The following ABR variants were observed in gnomAD, a reference collection of about 807,000 sequenced individuals.
ABR encodes active breakpoint cluster region-related protein.
A neutral mutation model predicts 107.2 loss-of-function variants in ABR; 35 were observed. The observed-to-expected ratio is 0.33, with a 90% CI of 0.25 to 0.43. The LOEUF (loss-of-function observed/expected upper bound fraction) is 0.43, where lower values mean the gene tolerates loss of function less well. Among genes scored for constraint, ABR ranks in the 20% least tolerant of loss-of-function variants. ABR has a pLI of 1.00. For missense variants in ABR, 815 were observed against 1,115.2 expected, an observed-to-expected ratio of 0.73 and a Z score of 3.83; for synonymous variants, 498 against 462.0, an observed-to-expected ratio of 1.08 and a Z score of -1.00.
upstream of ABR, among the ~76,000 whole-genome samples, chr17:1,180,382 G>A (rs549581712): frequency 2.2e-4 from 33 of 152,282 alleles, no homozygotes; most frequent in Non-Finnish European, 3.4e-4. Context: ...ACCCGCTGCG[G>A]GACCCACGGG....
intron 2 of ABR, among the ~76,000 whole-genome samples, chr17:1,123,914 T>C (rs1226905550): frequency 1.3e-5 from 2 of 152,046 alleles, no homozygotes; most frequent in Non-Finnish European, 1.5e-5. Flanking sequence ...CTAACCCGCC[T>C]CCCGTCTTAG....
At chr17:1,219,949 TA>T (rs1246640447) in intron 1 of ABR, among the ~76,000 whole-genome samples, 1 of 151,630 alleles carries the variant, frequency 6.6e-6, no homozygotes, top group African/African-American at 2.4e-5. Flanking sequence ...AGAGAGTAGG[TA>T]CTGGAGTATC....
At chr17:1,024,218 G>A (rs907931441) in intron 16 of ABR, among the ~76,000 whole-genome samples, 2 of 152,116 alleles carry the variant, frequency 1.3e-5, no homozygotes, top group East Asian at 1.9e-4. Context: ...CGAGTCTCAC[G>A]TTCAGTGGCG....
chr17:1,189,124 C>G (rs1429550967), upstream of ABR, among the ~76,000 whole-genome samples: 2 of 152,098 alleles, frequency 1.3e-5, no homozygotes, highest in African/African-American at 4.8e-5. Context: ...CGTGTTCTCC[C>G]GAAAGGAGAG....
At chr17:1,220,936 G>C (rs2043109515) in intron 1 of ABR, among the ~76,000 whole-genome samples, 1 of 152,212 alleles carries the variant, frequency 6.6e-6, no homozygotes, top group Non-Finnish European at 1.5e-5. Context: ...CACTCAGTTT[G>C]AGAGCAGCTC....
intron 16 of ABR, among the ~76,000 whole-genome samples, chr17:1,042,610 G>C (rs2030810152): frequency 1.4e-5 from 2 of 139,574 alleles, no homozygotes; most frequent in South Asian, 2.3e-4. Flanking sequence ...GATGGACGAA[G>C]AGACGTGGCA....
intron 16 of ABR, among the ~76,000 whole-genome samples, chr17:1,047,791 G>A (rs1381903904): frequency 6.6e-6 from 1 of 152,130 alleles, no homozygotes; most frequent in African/African-American, 2.4e-5. Flanking sequence ...GAGGCTTGCA[G>A]TGACTGATGG....
intron 1 of ABR, among the ~76,000 whole-genome samples, chr17:1,226,710 CAT>C: frequency 2.1e-5 from 1 of 46,882 alleles, no homozygotes; most frequent in Non-Finnish European, 5.7e-5. Context: ...TGTGTGTGTG[CAT>C]GCATGTATGT....
intron 1 of ABR, among the ~76,000 whole-genome samples, chr17:1,165,036 T>A (rs1345067690): frequency 3.9e-5 from 6 of 152,232 alleles, no homozygotes; most frequent in Non-Finnish European, 5.9e-5. Context: ...TCAGCAGTGC[T>A]TTCAGTGTGG....
intron 3 of ABR, among the ~76,000 whole-genome samples, chr17:1,097,858 T>C (rs2037578447): frequency 6.6e-6 from 1 of 152,162 alleles, no homozygotes; most frequent in African/African-American, 2.4e-5. Flanking sequence ...GTTTCACGAA[T>C]GTCTGACGGG....
intron 1 of ABR, among the ~76,000 whole-genome samples, chr17:1,132,796 A>T (rs2039905352): frequency 6.6e-6 from 1 of 152,252 alleles, no homozygotes; most frequent in South Asian, 2.1e-4. Context: ...ATTAAAAAGA[A>T]TGTTAACCTC....
chr17:1,087,985 AACAGCAGAG>A (rs1022786412), intron 4 of ABR, among the ~76,000 whole-genome samples: 7 of 152,302 alleles, frequency 4.6e-5, no homozygotes, highest in Admixed American at 2.6e-4. Flanking sequence ...TCATAAAACA[AACAGCAGAG>A]ACGCTAATTC....
intron 16 of ABR, among the ~76,000 whole-genome samples, chr17:1,039,265 G>A (rs1312750539): frequency 2.6e-5 from 4 of 152,126 alleles, no homozygotes; most frequent in Non-Finnish European, 5.9e-5. Context: ...CCCAGGGGTG[G>A]AGGGGAGCGG....
intron 1 of ABR, among the ~76,000 whole-genome samples, chr17:1,137,742 A>C (rs558685386): frequency 1.3e-5 from 2 of 152,320 alleles, no homozygotes; most frequent in African/African-American, 4.8e-5. Context: ...TCAACTAAGC[A>C]TGGAGGTGCC....
At chr17:1,144,691 A>T (rs2040457813) in intron 1 of ABR, among the ~76,000 whole-genome samples, 1 of 152,020 alleles carries the variant, frequency 6.6e-6, no homozygotes, top group Admixed American at 6.6e-5. Context: ...CAGGAGTTCG[A>T]GACCAGCCTG....
At chr17:1,049,591 C>G (rs1277125564) in intron 16 of ABR, among the ~76,000 whole-genome samples, 1 of 152,120 alleles carries the variant, frequency 6.6e-6, no homozygotes, top group Non-Finnish European at 1.5e-5. Flanking sequence ...GACCCCCCTC[C>G]CCCCAAGCCA....
At chr17:1,036,856 G>A (rs2073218911) in intron 16 of ABR, among the ~76,000 whole-genome samples, 1 of 152,158 alleles carries the variant, frequency 6.6e-6, no homozygotes, top group African/African-American at 2.4e-5. Context: ...CTCACTCTAG[G>A]TTTTTCTCCC....
rs1210169318 is a variant in ABR, at chr17:1,050,582, G to A, written c.1614C>T (p.Ala538=). 6 of 1,614,012 alleles carry A rather than the reference G, an allele frequency of 3.7e-6. No homozygotes were observed. In the Admixed American group the frequency reaches 1.0e-4, roughly 27 times the overall value. ...VDSFGYFVSK[A]KTRVFRDTAE... ...CTGTGTCCCGGAACACCCTGGTTTTGGCTTTGCTGACAAAATAGCCGAAGG... is the reference window on the plus strand; with the variant it reads ...CTGTGTCCCGGAACACCCTGGTTTTAGCTTTGCTGACAAAATAGCCGAAGG... Residue 538 remains alanine (A), a synonymous_variant, in exon 15 of 23, where the codon GCC becomes GCT. Transcript: ENST00000302538. This position sits in a 1 kb window ranked among gnomAD's most constrained non-coding sequence, Gnocchi z 4.6.
intron 1 of ABR, among the ~76,000 whole-genome samples, chr17:1,151,949 T>C (rs960293873): frequency 6.6e-6 from 1 of 150,906 alleles, no homozygotes; most frequent in Non-Finnish European, 1.5e-5. Flanking sequence ...GGTCAGGAGA[T>C]CGAGACCATC....
Sources: gnomAD v4.1 joint callset for allele counts (sites outside exome capture counted in the v4.1 genomes callset) on GRCh38, gnomAD v4.1.1 for gene constraint, Gnocchi (gnomAD v3.1) non-coding constraint, MANE v1.5 for transcripts, NCBI Gene and HGNC (gene_info 2026-07-23, HGNC 2026-07-21) for gene names.